MAP3K4: variants seen among roughly 807,000 people sequenced by gnomAD.
MAP3K4 encodes mitogen-activated protein kinase kinase kinase 4.
MAP3K4 carries 67 observed loss-of-function variants against 185.6 expected under a neutral mutation model. That is an observed-to-expected ratio of 0.36 (90% confidence interval 0.30 to 0.44). The LOEUF (loss-of-function observed/expected upper bound fraction) is 0.44, where lower values mean the gene tolerates loss of function less well. Ranked by LOEUF, MAP3K4 falls within the 20% of genes least tolerant of loss-of-function variation. The pLI is 1.00. For synonymous variants in MAP3K4, 702 were observed against 710.4 expected, an observed-to-expected ratio of 0.99 and a Z score of 0.19; for missense variants, 1,551 against 1,995.1, an observed-to-expected ratio of 0.78 and a Z score of 4.24.
intron 2 of MAP3K4, among the ~76,000 whole-genome samples, chr6:161,035,828 C>T (rs893103534): frequency 6.6e-6 from 1 of 152,136 alleles, no homozygotes; most frequent in African/African-American, 2.4e-5. Context: ...AGTACACTTG[C>T]TTTTTCTTGT....
chr6:161,084,670 C>T lies in MAP3K4; in HGVS notation c.2372+53C>T. The T allele has an allele frequency of 2.8e-6, 3 of 1,067,772 alleles. No homozygotes were observed. Among genetic ancestry groups the T allele is most frequent in the South Asian group, 2.6e-5 (2 of 77,616 alleles). 66.1% of individuals were successfully genotyped at this position (1,067,772 alleles called of 1,614,324 possible). ...CACTTCTTATCTCGTAGTTTCCTTC[C>T]TCATGGTGAGATCCTAGAAGGAGCC... On this transcript the variant is annotated intron_variant, in intron 7 of 26. Transcript: ENST00000392142. This position sits in a 1 kb window ranked among gnomAD's most constrained non-coding sequence, Gnocchi z 4.6.
intron 2 of MAP3K4, among the ~76,000 whole-genome samples, chr6:161,046,451 GAAAAGTTTA>G (rs1783733259): frequency 6.6e-6 from 1 of 151,812 alleles, no homozygotes; most frequent in Non-Finnish European, 1.5e-5. Context: ...TGGACTATAT[GAAAAGTTTA>G]AAGACATTTA....
rs1423054225 is a variant in MAP3K4, at chr6:161,093,781, A to G, written c.3357A>G (p.Gln1119=). Residue 1119 remains glutamine, a synonymous_variant, in exon 15 of 27, where the codon CAA becomes CAG. Transcript: ENST00000392142. The surrounding 1 kb of genome is among the most constrained non-coding windows in gnomAD (Gnocchi z 5.2). The part of the protein sequence containing the change: ...ALPEDDFLSL[Q]ALMNECIGHV... ...TTTCTTTTGGTTTCTAGAGTTTACAAGCCTTGATGAATGAATGCATTGGCC... is the reference window on the plus strand; with the variant it reads ...TTTCTTTTGGTTTCTAGAGTTTACAGGCCTTGATGAATGAATGCATTGGCC... The G allele has an allele frequency of 1.2e-6, 2 of 1,611,168 alleles. No individual in the cohort carries two copies. Among genetic ancestry groups the G allele is most frequent in the East Asian group, 2.2e-5 (1 of 44,710 alleles).
rs1354253565 is a variant in MAP3K4, at chr6:161,082,703, G to A, written c.2255+1665G>A. 1.3e-5 allele frequency among the ~76,000 whole-genome samples: 2 copies of A among 152,240 alleles called. No homozygotes were observed. Among genetic ancestry groups the A allele is most frequent in the South Asian group, 2.1e-4 (1 of 4,816 alleles). On this transcript the variant is annotated intron_variant, in intron 6 of 26. Coordinates refer to ENST00000392142, the MANE Select transcript of MAP3K4 (RefSeq NM_005922.4). This position sits in a 1 kb window ranked among gnomAD's most constrained non-coding sequence, Gnocchi z 4.2. The stretch of plus-strand genomic sequence containing the variant: ...CACACTACCTCGACTCTTTTTGGGT[G>A]CCCTTTGAGGGTATATCCAGAATCT...
intron 5 of MAP3K4, among the ~76,000 whole-genome samples, chr6:161,079,734 G>A (rs763252269): frequency 6.6e-6 from 1 of 152,134 alleles, no homozygotes; most frequent in Non-Finnish European, 1.5e-5. Context: ...CCCATGAATT[G>A]CAGATTCTGC....
Position 160,996,597 on chromosome 6 carries a change from T to C in MAP3K4, c.152+4514T>C, listed in dbSNP as rs1781006833. 2.6e-5 allele frequency among the ~76,000 whole-genome samples: 4 copies of C among 152,218 alleles called. No individual in the cohort carries two copies. The highest frequency in any genetic ancestry group is 1.3e-4 in the Admixed American group (2 of 15,280). ...ATGCTGTTTGAAGACTCTTTAACGTTGCCTATCAGTAGGCTACTGGTAGTG... is the reference window on the plus strand; with the variant it reads ...ATGCTGTTTGAAGACTCTTTAACGTCGCCTATCAGTAGGCTACTGGTAGTG... On this transcript the variant is annotated intron_variant, in intron 1 of 26. Transcript: ENST00000392142. The surrounding 1 kb of genome is among the most constrained non-coding windows in gnomAD (Gnocchi z 4.5).
chr6:161,078,251 A>G (rs576622131), intron 5 of MAP3K4, among the ~76,000 whole-genome samples: 4 of 152,302 alleles, frequency 2.6e-5, no homozygotes, highest in African/African-American at 9.6e-5. Context: ...GATTATGACT[A>G]GTCCCCCCAG....
Position 160,993,210 on chromosome 6 carries a change from A to G in MAP3K4, c.152+1127A>G, listed in dbSNP as rs144762057. Among the ~76,000 whole-genome samples the G allele has an allele frequency of 3.3e-5, 5 of 152,296 alleles. No homozygotes were observed. In the East Asian group the frequency reaches 7.7e-4, roughly 23 times the overall value. On this transcript the variant is annotated intron_variant, in intron 1 of 26. Transcript: ENST00000392142. Reference sequence around the variant, plus strand: ...TTTTAATTCTGAGATAGTTCTGGGTACTTCTAAGGAACAACTTCTCTGAAT... The same window carrying G: ...TTTTAATTCTGAGATAGTTCTGGGTGCTTCTAAGGAACAACTTCTCTGAAT...
Position 161,086,419 on chromosome 6 carries a change from T to A in MAP3K4, c.2413T>A (p.Phe805Ile). The A allele has an allele frequency of 6.2e-7, 1 of 1,614,158 alleles. No individual in the cohort carries two copies. The highest frequency in any genetic ancestry group is 8.5e-7 in the Non-Finnish European group (1 of 1,179,998). ...IEISRALKEL[F>I]HEARERASKA... ...GATCAGTCGAGCCCTGAAGGAGCTC[T>A]TCCATGAAGCCAGAGAAAGGGCTTC... The change falls in exon 8 of 27, where the codon TTC becomes ATC. Residue 805 changes from phenylalanine to isoleucine, a missense_variant. Physicochemically the swap from Phe to Ile is conservative, Grantham distance 21 (BLOSUM62 0). This residue lies in a region of MAP3K4 where 130 missense variants were observed against 171.3 expected (regional missense o/e 0.76). Transcript: ENST00000392142. The surrounding 1 kb of genome is among the most constrained non-coding windows in gnomAD (Gnocchi z 4.8).
chr6:161,050,664 C>T (rs903565269), intron 3 of MAP3K4, among the ~76,000 whole-genome samples: 13 of 152,090 alleles, frequency 8.5e-5, no homozygotes, highest in African/African-American at 2.4e-4. Flanking sequence ...GATAGCTTGA[C>T]GTGTTATAAA....
At position 161,096,927 on chromosome 6, in the gene MAP3K4, G is replaced by T; in HGVS notation, c.3428-153G>T. On this transcript the variant is annotated intron_variant, in intron 15 of 26. Coordinates refer to ENST00000392142, the MANE Select transcript of MAP3K4 (RefSeq NM_005922.4). This position sits in a 1 kb window ranked among gnomAD's most constrained non-coding sequence, Gnocchi z 4.9. ...AAAAGTGACATTTTCCATAATATTT[G>T]TATATGTAATATTATTTTTTACTTA... The T allele has an allele frequency of 1.8e-6, 1 of 553,228 alleles. No homozygotes were observed. The allele number at this position is 553,228 out of a possible 1,614,324, so 34.3% of individuals were successfully genotyped here.
At chr6:161,102,970 A>C (rs529750953) in intron 19 of MAP3K4, among the ~76,000 whole-genome samples, 191 bp downstream of exon 19, 1 of 152,274 alleles carries the variant, frequency 6.6e-6, no homozygotes, top group African/African-American at 2.4e-5. Context: ...TCCTATTTCT[A>C]GTAACAAACT....
At position 161,087,765 on chromosome 6, in the gene MAP3K4, G is replaced by A; in HGVS notation, c.2634G>A (p.Gln878=). 1 of 1,614,144 alleles carries A rather than the reference G, an allele frequency of 6.2e-7. No homozygotes were observed. Among genetic ancestry groups the A allele is most frequent in the Non-Finnish European group, 8.5e-7 (1 of 1,179,992 alleles). ...CTGAGGAGAAGAGTATTATTTTGCAGTTACTCAATGCAGCTGCAGGAAAGG... is the reference window on the plus strand; with the variant it reads ...CTGAGGAGAAGAGTATTATTTTGCAATTACTCAATGCAGCTGCAGGAAAGG... ...TLAEEKSIIL[Q]LLNAAAGKDC... The change falls in exon 10 of 27, where the codon CAG becomes CAA. Residue 878 remains glutamine (Q), a synonymous_variant. Coordinates refer to ENST00000392142, the MANE Select transcript of MAP3K4 (RefSeq NM_005922.4). The surrounding 1 kb of genome is among the most constrained non-coding windows in gnomAD (Gnocchi z 4.9).
At chr6:161,031,798 A>G (rs1207538197) in intron 1 of MAP3K4, among the ~76,000 whole-genome samples, 1 of 152,202 alleles carries the variant, frequency 6.6e-6, no homozygotes, top group Non-Finnish European at 1.5e-5. Flanking sequence ...CCAGATTATT[A>G]GTCTTAATAG....
intron 1 of MAP3K4, 157 bp downstream of exon 1, chr6:160,992,240 C>A: frequency 9.8e-7 from 1 of 1,022,686 alleles, no homozygotes; most frequent in Non-Finnish European, 1.3e-6. Flanking sequence ...ATCCCTGGGT[C>A]CCAGGGGACC....
In MAP3K4 at chr6:160,996,678, G is replaced by A. The variant is rs557828193; in HGVS notation, c.152+4595G>A. 3.5e-4 allele frequency among the ~76,000 whole-genome samples: 54 copies of A among 152,272 alleles called. 1 individual carries two copies. The East Asian group carries it at 9.1e-3, about 26-fold the overall frequency. On this transcript the variant is annotated intron_variant, in intron 1 of 26. Transcript: ENST00000392142. This position sits in a 1 kb window ranked among gnomAD's most constrained non-coding sequence, Gnocchi z 4.5. ...GAGAAGGAGATTAGCTGAAGACTCC[G>A]TAGGTCTTCATAAGCTGGCACTCCC... is the stretch of plus-strand genomic sequence containing the variant.
intron 4 of MAP3K4, among the ~76,000 whole-genome samples, chr6:161,072,763 A>G (rs756736162): frequency 2.4e-4 from 36 of 152,160 alleles, no homozygotes; most frequent in Admixed American, 1.3e-4. Context: ...GTTTATTAGA[A>G]TTTGCGTACA....
chr6:161,041,729 C>T (rs1033973616), intron 2 of MAP3K4, among the ~76,000 whole-genome samples: 8 of 152,200 alleles, frequency 5.3e-5, no homozygotes, highest in East Asian at 1.9e-4. Context: ...GCTTTAAGCC[C>T]AGTGCCTTGT....
In MAP3K4 at chr6:161,077,224, AG is replaced by A. The variant is rs1171682296; in HGVS notation, c.2097+3613del. ...GGAGGGAGGAAAGAGATAGAAGTGA[AG>A]AGAGAACAAAGGAGAAACTAACTTT... On this transcript the variant is annotated intron_variant, in intron 5 of 26. Coordinates refer to ENST00000392142, the MANE Select transcript of MAP3K4 (RefSeq NM_005922.4). This position sits in a 1 kb window ranked among gnomAD's most constrained non-coding sequence, Gnocchi z 4.3. 6.6e-6 allele frequency among the ~76,000 whole-genome samples: 1 copy of A among 152,188 alleles called. No individual in the cohort carries two copies. The highest frequency in any genetic ancestry group is 1.5e-5 in the Non-Finnish European group (1 of 68,038).
Sources: gnomAD v4.1 joint callset for allele counts (sites outside exome capture counted in the v4.1 genomes callset) on GRCh38, gnomAD v4.1.1 for gene constraint, gnomAD v4.1.1 regional missense constraint, Gnocchi (gnomAD v3.1) non-coding constraint, MANE v1.5 for transcripts, NCBI Gene and HGNC (gene_info 2026-07-23, HGNC 2026-07-21) for gene names.